Variants in GALNT11 observed in about 807,000 individuals in gnomAD.
GALNT11 encodes polypeptide N-acetylgalactosaminyltransferase 11, also known as UDP-GalNAc:polypeptide N-acetylgalactosaminyltransferase 11.
GALNT11 carries 47 observed loss-of-function variants against 72.7 expected under a neutral mutation model. The observed-to-expected ratio is 0.65, with a 90% confidence interval of 0.51 to 0.82. The LOEUF (loss-of-function observed/expected upper bound fraction) is 0.82. Among genes scored for constraint, GALNT11 ranks in the 40% least tolerant of loss-of-function variants. The pLI, the probability that GALNT11 is intolerant of heterozygous loss-of-function variation, is 0.00. For missense variants in GALNT11, 677 were observed against 778.4 expected, an observed-to-expected ratio of 0.87 and a Z score of 1.55; for synonymous variants, 270 against 286.6, an observed-to-expected ratio of 0.94 and a Z score of 0.58.
chr7:152,070,537 CCTTTT>C (rs780640559), intron 1 of GALNT11, among the ~76,000 whole-genome samples: 27 of 152,140 alleles, frequency 1.8e-4, no homozygotes, highest in Non-Finnish European at 3.2e-4. Context: ...GGCTTGTGGC[CCTTTT>C]CTTCCATCTT....
intron 3 of GALNT11, among the ~76,000 whole-genome samples, chr7:152,101,435 T>C (rs1027184811): frequency 7.9e-5 from 12 of 152,088 alleles, no homozygotes; most frequent in Non-Finnish European, 1.2e-4. Flanking sequence ...GGCTAGAGTC[T>C]AGCAGGGGAG....
At chr7:152,088,319 C>T (rs973117684) in intron 1 of GALNT11, among the ~76,000 whole-genome samples, 2 of 152,022 alleles carry the variant, frequency 1.3e-5, no homozygotes, top group Non-Finnish European at 2.9e-5. Context: ...CCTATTTTTC[C>T]TAGTTTGTTA....
intron 1 of GALNT11, among the ~76,000 whole-genome samples, chr7:152,060,142 C>G (rs2083916721): frequency 6.6e-6 from 1 of 152,160 alleles, no homozygotes; most frequent in African/African-American, 2.4e-5. Flanking sequence ...ACCTCATGAG[C>G]AATTCTTTGC....
At chr7:152,056,015 C>T (rs188866034) in intron 1 of GALNT11, among the ~76,000 whole-genome samples, 11 of 151,916 alleles carry the variant, frequency 7.2e-5, no homozygotes, top group Admixed American at 5.3e-4. Context: ...GTCCTCAGTT[C>T]GTGGCAATCA....
At chr7:152,058,767 T>C (rs1438667009) in intron 1 of GALNT11, among the ~76,000 whole-genome samples, 1 of 152,260 alleles carries the variant, frequency 6.6e-6, no homozygotes, top group African/African-American at 2.4e-5. Context: ...GTCAATCCTC[T>C]AAAACCCTGC....
intron 1 of GALNT11, among the ~76,000 whole-genome samples, chr7:152,037,957 T>TG (rs1262754390): frequency 1.3e-5 from 2 of 151,998 alleles, no homozygotes; most frequent in Admixed American, 6.6e-5. Context: ...TTAGTAGAGA[T>TG]GGGGGTCTCT....
chr7:152,063,999 A>C (rs67052619), intron 1 of GALNT11, among the ~76,000 whole-genome samples: 1 of 152,130 alleles, frequency 6.6e-6, no homozygotes, highest in African/African-American at 2.4e-5. Flanking sequence ...GCTGAGTTCA[A>C]TTCCTAGATA....
At chr7:152,095,806 G>C (rs2086333680) in intron 2 of GALNT11, among the ~76,000 whole-genome samples, 1 of 152,138 alleles carries the variant, frequency 6.6e-6, no homozygotes. Flanking sequence ...GAAGTAGTGA[G>C]AGAATTGTAG....
At chr7:152,072,009 C>CAAAA (rs11366450) in intron 1 of GALNT11, among the ~76,000 whole-genome samples, 1 of 66,998 alleles carries the variant, frequency 1.5e-5, no homozygotes, top group East Asian at 3.9e-4. Flanking sequence ...AACTCTGTCT[C>CAAAA]AAAAAAAAAA....
At chr7:152,059,741 G>A (rs891139379) in intron 1 of GALNT11, among the ~76,000 whole-genome samples, 4 of 152,180 alleles carry the variant, frequency 2.6e-5, no homozygotes, top group African/African-American at 9.6e-5. Context: ...AGTAAATCAT[G>A]CTGTAAAACA....
intron 1 of GALNT11, among the ~76,000 whole-genome samples, chr7:152,037,394 GT>G (rs1160745160): frequency 6.6e-6 from 1 of 152,114 alleles, no homozygotes; most frequent in Non-Finnish European, 1.5e-5. Context: ...TTGTTTCTGG[GT>G]TCTCCATTCT....
intron 7 of GALNT11, among the ~76,000 whole-genome samples, chr7:152,111,873 G>A (rs370982997): frequency 2.6e-4 from 39 of 152,246 alleles, no homozygotes; most frequent in South Asian, 2.1e-3. Flanking sequence ...TGTACTTTCA[G>A]AAACAGCTCA....
intron 1 of GALNT11, among the ~76,000 whole-genome samples, chr7:152,065,285 C>T (rs2084244367): frequency 6.6e-6 from 1 of 152,200 alleles, no homozygotes; most frequent in Admixed American, 6.5e-5. Context: ...AGTTCTCGTG[C>T]CATGGTTTTC....
intron 1 of GALNT11, among the ~76,000 whole-genome samples, chr7:152,092,235 A>T (rs73161884): frequency 8.4e-4 from 128 of 152,296 alleles, no homozygotes; most frequent in Non-Finnish European, 1.6e-3. Flanking sequence ...GTTTCCCCTA[A>T]ATGTCACTGC....
rs116951186 is a variant in GALNT11, at chr7:152,099,676, C to T, written c.296-1122C>T. ...GTGCTGGGATTACAGGCATAAGCAGCCGCGCCCTGCCTAATATTACAGTGA... is the reference window on the plus strand; with the variant it reads ...GTGCTGGGATTACAGGCATAAGCAGTCGCGCCCTGCCTAATATTACAGTGA... On this transcript the variant is annotated intron_variant, in intron 2 of 11. Coordinates refer to ENST00000430044, the MANE Select transcript of GALNT11 (RefSeq NM_022087.4). Among the ~76,000 whole-genome samples the T allele has an allele frequency of 7.4e-4, 112 of 150,604 alleles. No individual in the cohort carries two copies. The East Asian group carries it at 0.014, about 19-fold the overall frequency.
intron 1 of GALNT11, among the ~76,000 whole-genome samples, chr7:152,087,955 G>A (rs940387428): frequency 6.6e-6 from 1 of 152,160 alleles, no homozygotes; most frequent in Admixed American, 6.5e-5. Flanking sequence ...TGGCAGAATG[G>A]GATTAGAATT....
chr7:152,103,032 A>G (rs1449535735), intron 3 of GALNT11, 80 bp from the exon 4 acceptor site: 2 of 1,306,220 alleles, frequency 1.5e-6, no homozygotes, highest in Admixed American at 1.9e-5. Context: ...ACAAGGGGAC[A>G]GTAAATCTGT....
intron 11 of GALNT11, among the ~76,000 whole-genome samples, 200 bp downstream of exon 11, chr7:152,121,168 C>T (rs1313651476): frequency 6.6e-6 from 1 of 152,150 alleles, no homozygotes; most frequent in Non-Finnish European, 1.5e-5. Context: ...ATAAATTTAT[C>T]AATTAGGCAC....
intron 1 of GALNT11, among the ~76,000 whole-genome samples, chr7:152,072,314 CAAA>C (rs754741694): frequency 8.0e-5 from 5 of 62,294 alleles, no homozygotes; most frequent in Admixed American, 1.7e-4. Flanking sequence ...GACTCCGTCT[CAAA>C]AAAAAAAAAA....
Sources: gnomAD v4.1 joint callset for allele counts (sites outside exome capture counted in the v4.1 genomes callset) on GRCh38, gnomAD v4.1.1 for gene constraint, MANE v1.5 for transcripts, NCBI Gene and HGNC (gene_info 2026-07-23, HGNC 2026-07-21) for gene names.